The following NEDD4L variants were observed in gnomAD, a reference collection of about 807,000 sequenced individuals.
NEDD4L encodes the protein NEDD4 like E3 ubiquitin protein ligase, also known as E3 ubiquitin-protein ligase NEDD4-like.
In NEDD4L, 54 loss-of-function variants were observed where a neutral mutation model predicts 148.9. The observed-to-expected ratio is 0.36, with a 90% CI of 0.29 to 0.45. The LOEUF (loss-of-function observed/expected upper bound fraction) is 0.45, where lower values mean the gene tolerates loss of function less well. NEDD4L is among the 20% of genes least tolerant of loss of function. NEDD4L has a pLI of 1.00. For missense variants in NEDD4L, 856 were observed against 1,233.8 expected, an observed-to-expected ratio of 0.69 and a Z score of 4.59; for synonymous variants, 433 against 440.7, an observed-to-expected ratio of 0.98 and a Z score of 0.22.
chr18:58,161,020 CTT>C (rs150307263), intron 1 of NEDD4L, among the ~76,000 whole-genome samples: 1 of 149,598 alleles, frequency 6.7e-6, no homozygotes, highest in African/African-American at 2.5e-5. Flanking sequence ...TTCTTTCTTT[CTT>C]TTTTTTTTCT....
intron 26 of NEDD4L, among the ~76,000 whole-genome samples, chr18:58,387,006 TG>T (rs1158325998): frequency 2.0e-5 from 3 of 152,174 alleles, no homozygotes; most frequent in Non-Finnish European, 4.4e-5. Context: ...AACTGGAGCA[TG>T]GTTTTCTGTA....
intron 2 of NEDD4L, chr18:58,221,772 A>G (rs765775993): frequency 2.1e-6 from 2 of 954,922 alleles, no homozygotes; most frequent in Non-Finnish European, 2.5e-6. Flanking sequence ...GAACAAAGAC[A>G]CCACTGTATG....
At chr18:58,328,419 A>G (rs1011693493) in intron 9 of NEDD4L, among the ~76,000 whole-genome samples, 1 of 152,214 alleles carries the variant, frequency 6.6e-6, no homozygotes, top group African/African-American at 2.4e-5. Flanking sequence ...AGTAGGGTAA[A>G]GGAGGTAAAT....
intron 1 of NEDD4L, among the ~76,000 whole-genome samples, chr18:58,115,098 C>T (rs1416963363): frequency 6.6e-6 from 1 of 152,166 alleles, no homozygotes; most frequent in Non-Finnish European, 1.5e-5. Flanking sequence ...ACCGTCATTC[C>T]ACCTGCGGCA....
intron 22 of NEDD4L, among the ~76,000 whole-genome samples, chr18:58,370,194 C>T (rs954565874): frequency 6.6e-6 from 1 of 152,222 alleles, no homozygotes; most frequent in Non-Finnish European, 1.5e-5. Context: ...CTCTGCTGCG[C>T]CATCTCTCTT....
chr18:58,077,191 T>G (rs1302783891), intron 1 of NEDD4L, among the ~76,000 whole-genome samples: 4 of 79,652 alleles, frequency 5.0e-5, no homozygotes, highest in Non-Finnish European at 9.0e-5. Flanking sequence ...TTTTTTTTTT[T>G]GAGACAGGGT....
At chr18:58,194,348 G>T (rs760608178) in intron 2 of NEDD4L, among the ~76,000 whole-genome samples, 1 of 152,172 alleles carries the variant, frequency 6.6e-6, no homozygotes, top group Non-Finnish European at 1.5e-5. Context: ...GTGTTGGGCC[G>T]GTCACCCATG....
intron 1 of NEDD4L, among the ~76,000 whole-genome samples, chr18:58,154,358 A>G (rs1433815802): frequency 6.6e-6 from 1 of 152,234 alleles, no homozygotes; most frequent in Non-Finnish European, 1.5e-5. Flanking sequence ...CCAAGGGGCC[A>G]AACTAGTGAC....
At chr18:58,060,701 C>T (rs2082293577) in intron 1 of NEDD4L, among the ~76,000 whole-genome samples, 1 of 152,148 alleles carries the variant, frequency 6.6e-6, no homozygotes, top group African/African-American at 2.4e-5. Context: ...AGTACAGTGG[C>T]TCTAAACTGG....
In NEDD4L at chr18:58,256,802, T is replaced by C; in HGVS notation, c.297+4748T>C. On this transcript the variant is annotated intron_variant, in intron 5 of 30. Transcript: ENST00000400345. This position sits in a 1 kb window ranked among gnomAD's most constrained non-coding sequence, Gnocchi z 5.2. ...AAGTTCACAGCGTGTTTACATGTGT[T>C]TACTGATTTCAACTTCGATGCTTAC... 8.1e-7 allele frequency: 1 copy of C among 1,231,382 alleles called. No homozygotes were observed. Among genetic ancestry groups the C allele is most frequent in the Non-Finnish European group, 1.0e-6 (1 of 987,630 alleles). The allele number at this position is 1,231,382 out of a possible 1,614,324, so 76.3% of individuals were successfully genotyped here.
At chr18:58,373,316 AT>A (rs1197008526) in intron 24 of NEDD4L, 47 bp downstream of exon 24, 4 of 1,113,020 alleles carry the variant, frequency 3.6e-6, no homozygotes, top group South Asian at 1.3e-5. Context: ...TTCAAGGGGC[AT>A]TTTTCTTCTT....
rs1278619230 is a variant in NEDD4L, at chr18:58,261,014, A to C, written c.297+8960A>C. 2.0e-5 allele frequency among the ~76,000 whole-genome samples: 3 copies of C among 152,228 alleles called. No homozygotes were observed. In the South Asian group the frequency reaches 6.2e-4, roughly 32 times the overall value. ...CCTGATTCGTGAACCAGGTATCTGTAATATACAAGTCTTTCCCCTAGCAGG... is the reference window on the plus strand; with the variant it reads ...CCTGATTCGTGAACCAGGTATCTGTCATATACAAGTCTTTCCCCTAGCAGG... On this transcript the variant is annotated intron_variant, in intron 5 of 30. Transcript: ENST00000400345.
chr18:58,142,182 G>A (rs1426642512), intron 1 of NEDD4L, among the ~76,000 whole-genome samples: 1 of 148,954 alleles, frequency 6.7e-6, no homozygotes, highest in Non-Finnish European at 1.5e-5. Flanking sequence ...GAGTAGCTGG[G>A]ACTACAGGCA....
At chr18:58,209,332 CTCT>C (rs1568392226) in intron 2 of NEDD4L, among the ~76,000 whole-genome samples, 1 of 1,190 alleles carries the variant, frequency 8.4e-4, no homozygotes, top group Non-Finnish European at 2.0e-3. Context: ...CCTCCTCCTC[CTCT>C]CCCTCCTCCT....
In NEDD4L at chr18:58,256,666, G is replaced by T. The variant is rs1001224799; in HGVS notation, c.297+4612G>T. On this transcript the variant is annotated intron_variant, in intron 5 of 30. Coordinates refer to ENST00000400345, the MANE Select transcript of NEDD4L (RefSeq NM_001144967.3). The surrounding 1 kb of genome is among the most constrained non-coding windows in gnomAD (Gnocchi z 5.2). ...TTAAGATCAGGCAGGATCAGAACGC[G>T]GGGCAGCAGCATTTTAGAATTCTTG... 4.9e-6 allele frequency: 6 copies of T among 1,232,064 alleles called. No individual in the cohort carries two copies. The Admixed American group carries it at 1.3e-4, about 26-fold the overall frequency. The allele number at this position is 1,232,064 out of a possible 1,614,324, so 76.3% of individuals were successfully genotyped here. A position where few individuals can be genotyped will look rare whatever the true frequency, so the allele number is the denominator to read the frequency against.
intron 1 of NEDD4L, among the ~76,000 whole-genome samples, chr18:58,055,282 C>T (rs996554665): frequency 6.6e-6 from 1 of 152,082 alleles, no homozygotes; most frequent in Non-Finnish European, 1.5e-5. Context: ...CATAGTGAGA[C>T]TCTGTCTCTA....
chr18:58,056,860 T>C (rs1016430234), intron 1 of NEDD4L, among the ~76,000 whole-genome samples: 38 of 149,448 alleles, frequency 2.5e-4, no homozygotes, highest in African/African-American at 9.3e-4. Flanking sequence ...GGATTACAGG[T>C]GTGAGCCACC....
chr18:58,087,617 G>T (rs1293358897), intron 1 of NEDD4L, among the ~76,000 whole-genome samples: 2 of 152,194 alleles, frequency 1.3e-5, no homozygotes, highest in East Asian at 3.8e-4. Context: ...GCTCATGCCT[G>T]TAATCCCAGC....
chr18:58,210,312 T>C (rs1568394816), intron 2 of NEDD4L, among the ~76,000 whole-genome samples: 1 of 152,170 alleles, frequency 6.6e-6, no homozygotes, highest in Non-Finnish European at 1.5e-5. Context: ...CTTAGGAAAA[T>C]ACAAATTACC....
Sources: gnomAD v4.1 joint callset for allele counts (sites outside exome capture counted in the v4.1 genomes callset) on GRCh38, gnomAD v4.1.1 for gene constraint, Gnocchi (gnomAD v3.1) non-coding constraint, MANE v1.5 for transcripts, NCBI Gene and HGNC (gene_info 2026-07-23, HGNC 2026-07-21) for gene names.